APBB2: variants seen among roughly 807,000 people sequenced by gnomAD.
APBB2 encodes the protein Fe65-like 1.
A neutral mutation model predicts 82.5 loss-of-function variants in APBB2; 38 were observed. The observed-to-expected ratio is 0.46, with a 90% CI of 0.36 to 0.60. The LOEUF is 0.60. Ranked by LOEUF, APBB2 falls within the 20% of genes least tolerant of loss-of-function variation. The probability of loss-of-function intolerance (pLI) is 0.00; values close to 1 mark genes in which losing one functional copy is unlikely to be tolerated. For synonymous variants in APBB2, 341 were observed against 368.2 expected, an observed-to-expected ratio of 0.93 and a Z score of 0.85; for missense variants, 772 against 972.3, an observed-to-expected ratio of 0.79 and a Z score of 2.74.
chr4:40,982,256 AAG>A lies in APBB2; in HGVS notation c.835+31325_835+31326del, dbSNP rs1462847380. On this transcript the variant is annotated intron_variant, in intron 6 of 17. Coordinates refer to ENST00000508593, the MANE Select transcript of APBB2 (RefSeq NM_004307.2). ...AAAGAAAGAAAGAAAGAAAGAAAGA[AAG>A]AAAGAAAGAAAGAAAGAAAGAAAGA... Among the ~76,000 whole-genome samples, 9 of 28,416 alleles carry A rather than the reference AAG, an allele frequency of 3.2e-4. 2 individuals are homozygous for A. Among genetic ancestry groups the A allele is most frequent in the African/African-American group, 1.3e-3 (9 of 6,846 alleles). 18.6% of individuals were successfully genotyped at this position (28,416 alleles called of 152,430 possible).
At chr4:40,958,494 T>C (rs10938465) in intron 6 of APBB2, among the ~76,000 whole-genome samples, 13,469 of 152,216 alleles carry the variant, frequency 0.088, 639 homozygotes, top group Middle Eastern at 0.15. Flanking sequence ...AAAAACTGCA[T>C]TGAGATCACA....
intron 6 of APBB2, among the ~76,000 whole-genome samples, chr4:40,993,385 T>A (rs1465968477): frequency 4.1e-5 from 6 of 148,082 alleles, no homozygotes; most frequent in African/African-American, 1.3e-4. Context: ...TTTTTTTTTT[T>A]AACAAAAATG....
intron 1 of APBB2, among the ~76,000 whole-genome samples, chr4:41,200,880 G>C (rs1776531366): frequency 6.6e-6 from 1 of 152,160 alleles, no homozygotes; most frequent in South Asian, 2.1e-4. Context: ...GTACATGTGT[G>C]TATCTGTGCA....
intron 4 of APBB2, among the ~76,000 whole-genome samples, chr4:41,062,561 T>TAA (rs1730258392): frequency 6.6e-6 from 1 of 152,128 alleles, no homozygotes; most frequent in Non-Finnish European, 1.5e-5. Context: ...ACAGTGTTCA[T>TAA]GCCTTGGACT....
At chr4:41,140,006 A>C (rs1758654326) in intron 2 of APBB2, among the ~76,000 whole-genome samples, 1 of 152,230 alleles carries the variant, frequency 6.6e-6, no homozygotes, top group African/African-American at 2.4e-5. Flanking sequence ...AGTCACATGG[A>C]AACTTTCTGT....
intron 9 of APBB2, 32 bp downstream of exon 9, chr4:40,934,582 T>C: frequency 6.2e-7 from 1 of 1,611,352 alleles, no homozygotes; most frequent in South Asian, 1.1e-5. Flanking sequence ...AAGCCATACA[T>C]TGACAGCAGG....
chr4:41,018,117 T>C (rs1810515322), intron 5 of APBB2, among the ~76,000 whole-genome samples: 1 of 152,198 alleles, frequency 6.6e-6, no homozygotes, highest in South Asian at 2.1e-4. Flanking sequence ...ATGGCTGGCA[T>C]ACTGTAAGAG....
intron 6 of APBB2, among the ~76,000 whole-genome samples, chr4:40,957,938 GA>G (rs1225014396): frequency 6.6e-6 from 1 of 152,166 alleles, no homozygotes; most frequent in Admixed American, 6.5e-5. Context: ...GAGGTTGGTA[GA>G]AGATAAAAGT....
intron 5 of APBB2, among the ~76,000 whole-genome samples, chr4:41,025,944 C>CA (rs71198626): frequency 0.3 from 20,392 of 68,314 alleles, 2,329 homozygotes; most frequent in Middle Eastern, 0.35. Context: ...TCCATCTCCA[C>CA]AAAAAAAAAA....
chr4:40,944,207 G>A (rs7694146), intron 7 of APBB2, among the ~76,000 whole-genome samples: 60,442 of 152,050 alleles, frequency 0.4, 12,440 homozygotes, highest in Non-Finnish European at 0.46. Context: ...GTTTGCTTTC[G>A]GGATTCACAA....
intron 12 of APBB2, among the ~76,000 whole-genome samples, chr4:40,836,649 T>C (rs1458294670): frequency 1.3e-5 from 2 of 151,974 alleles, no homozygotes; most frequent in Non-Finnish European, 2.9e-5. Flanking sequence ...GTCCCAAAGA[T>C]ATCAAAGAAA....
chr4:41,004,992 A>AT (rs1806306197), intron 6 of APBB2, among the ~76,000 whole-genome samples: 1 of 152,214 alleles, frequency 6.6e-6, no homozygotes, highest in African/African-American at 2.4e-5. Flanking sequence ...GTGAAAAATC[A>AT]TGGTAAAGTT....
intron 2 of APBB2, chr4:41,138,216 A>G (rs2880169): frequency 0.12 from 18,612 of 152,222 alleles, 1,443 homozygotes; most frequent in Non-Finnish European, 0.17. Flanking sequence ...ACTTTTCATG[A>G]GCTTTGATTA....
intron 6 of APBB2, among the ~76,000 whole-genome samples, chr4:41,000,105 G>GTGTGTGTGTGTGTTTGTGTGTGTGTGTA (rs10694468): frequency 7.4e-6 from 1 of 135,062 alleles, no homozygotes; most frequent in African/African-American, 2.8e-5. Context: ...GTGTGTGTGT[G>GTGTGTGTGTGTGTTTGTGTGTGTGTGTA]TATAAATTAG....
At chr4:41,165,499 C>G (rs1418203008) in intron 1 of APBB2, among the ~76,000 whole-genome samples, 1 of 152,164 alleles carries the variant, frequency 6.6e-6, no homozygotes, top group African/African-American at 2.4e-5. Flanking sequence ...CTTCTTATCT[C>G]TTTCCTCTGT....
intron 1 of APBB2, among the ~76,000 whole-genome samples, chr4:41,148,764 T>C (rs912569349): frequency 6.6e-6 from 1 of 152,204 alleles, no homozygotes; most frequent in African/African-American, 2.4e-5. Context: ...TGTTAGCTCA[T>C]TCATTTAGTA....
At chr4:40,895,878 T>C (rs901439418) in intron 10 of APBB2, among the ~76,000 whole-genome samples, 5 of 152,330 alleles carry the variant, frequency 3.3e-5, no homozygotes, top group Admixed American at 6.5e-5. Context: ...ATGTTATACA[T>C]GAGGAAACTG....
At chr4:40,900,737 G>A (rs914799248) in intron 10 of APBB2, among the ~76,000 whole-genome samples, 1 of 150,542 alleles carries the variant, frequency 6.6e-6, no homozygotes, top group Non-Finnish European at 1.5e-5. Flanking sequence ...GATTACAGGT[G>A]TGAGTCACTG....
intron 1 of APBB2, among the ~76,000 whole-genome samples, chr4:41,157,429 G>A (rs1024373206): frequency 1.3e-5 from 2 of 152,142 alleles, no homozygotes; most frequent in South Asian, 2.1e-4. Flanking sequence ...AGCGAAAGAA[G>A]CCCAATAATT....
Sources: allele counts gnomAD v4.1 joint callset (sites outside exome capture counted in the v4.1 genomes callset), GRCh38; gene constraint gnomAD v4.1.1; transcripts MANE v1.5; gene names NCBI Gene and HGNC (gene_info 2026-07-23, HGNC 2026-07-21).